Variants in SGCZ observed in about 807,000 individuals in gnomAD.
The protein encoded by SGCZ is sarcoglycan zeta, also known as zeta-sarcoglycan.
A neutral mutation model predicts 41.3 loss-of-function variants in SGCZ; 40 were observed. The observed-to-expected ratio is 0.97, with a 90% CI of 0.75 to 1.26. The LOEUF is 1.26. Ranked by LOEUF, SGCZ falls within the 50% of genes most tolerant of loss-of-function variation. SGCZ has a pLI of 0.00. For missense variants in SGCZ, 552 were observed against 369.8 expected, an observed-to-expected ratio of 1.49 and a Z score of -4.04; for synonymous variants, 206 against 137.5, an observed-to-expected ratio of 1.50 and a Z score of -3.49.
intron 3 of SGCZ, among the ~76,000 whole-genome samples, chr8:14,300,870 T>C (rs1370937083): frequency 2.6e-5 from 4 of 152,006 alleles, no homozygotes; most frequent in African/African-American, 9.7e-5. Context: ...TTCTGGATAT[T>C]AACCCCTTAC....
rs1239063651 is a variant in SGCZ at position 14,482,115 on chromosome 8, A to G, written c.234+72617T>C. Among the ~76,000 whole-genome samples, 5 of 152,260 alleles carry G rather than the reference A, an allele frequency of 3.3e-5. No individual in the cohort carries two copies. The East Asian group carries it at 5.8e-4, about 18-fold the overall frequency. ...AGACAAAGAAAGAGCTCCAAAAATC[A>G]ACATAGTTTTCCCCTGAGTGATCCA... On this transcript the variant is annotated intron_variant, in intron 2 of 7. Transcript: ENST00000382080.
chr8:14,887,710 A>G (rs1200581461), intron 1 of SGCZ, among the ~76,000 whole-genome samples: 1 of 152,230 alleles, frequency 6.6e-6, no homozygotes, highest in African/African-American at 2.4e-5. Context: ...ATGACAGGAA[A>G]GAGTTAATAA....
At chr8:14,594,588 T>C (rs1385282930) in intron 1 of SGCZ, among the ~76,000 whole-genome samples, 1 of 150,480 alleles carries the variant, frequency 6.6e-6, no homozygotes, top group East Asian at 1.9e-4. Flanking sequence ...AGTTTATGTC[T>C]ATGGTCATGT....
At chr8:14,470,242 GA>G (rs140039196) in intron 2 of SGCZ, among the ~76,000 whole-genome samples, 22 of 150,942 alleles carry the variant, frequency 1.5e-4, no homozygotes, top group East Asian at 5.8e-4. Context: ...TAAGAAAATA[GA>G]AAAAAAAATG....
intron 3 of SGCZ, among the ~76,000 whole-genome samples, chr8:14,304,271 G>A (rs769600124): frequency 5.9e-5 from 9 of 151,490 alleles, no homozygotes; most frequent in East Asian, 5.9e-4. Flanking sequence ...GGTAAATACC[G>A]TCTACACAAA....
chr8:15,094,752 C>T (rs1270634622), intron 1 of SGCZ, among the ~76,000 whole-genome samples: 1 of 152,114 alleles, frequency 6.6e-6, no homozygotes, highest in African/African-American at 2.4e-5. Context: ...TTCCCCCATA[C>T]TGTTCTCTTG....
chr8:14,520,805 T>C (rs1023516232), intron 2 of SGCZ, among the ~76,000 whole-genome samples: 4 of 152,134 alleles, frequency 2.6e-5, no homozygotes, highest in African/African-American at 9.7e-5. Context: ...TATCATTTAT[T>C]ATATTTAAAA....
At chr8:14,704,554 G>C (rs949054256) in intron 1 of SGCZ, among the ~76,000 whole-genome samples, 1 of 151,782 alleles carries the variant, frequency 6.6e-6, no homozygotes, top group Non-Finnish European at 1.5e-5. Context: ...TTTGAAGTCA[G>C]ATAGAAATGA....
At chr8:14,971,671 G>T (rs1165048086) in intron 1 of SGCZ, among the ~76,000 whole-genome samples, 5 of 129,006 alleles carry the variant, frequency 3.9e-5, no homozygotes, top group Admixed American at 3.4e-4. Context: ...TTTTTAATGC[G>T]ACGGAGTCCT....
rs1392581343 is a variant in SGCZ at position 15,123,883 on chromosome 8, A to C, written c.39+113702T>G. Among the ~76,000 whole-genome samples the C allele has an allele frequency of 1.4e-4, 22 of 152,204 alleles. 1 individual carries two copies. Among genetic ancestry groups the C allele is most frequent in the Non-Finnish European group, 3.2e-4 (22 of 68,046 alleles). ...TATTTCAGGTAAGAATGGAAGAAGG[A>C]AGCAATGTTAACAAAGTGAACGCTG... On this transcript the variant is annotated intron_variant, in intron 1 of 7. Transcript: ENST00000382080.
intron 4 of SGCZ, among the ~76,000 whole-genome samples, chr8:14,185,062 T>G (rs2117032354): frequency 6.6e-6 from 1 of 152,300 alleles, no homozygotes; most frequent in East Asian, 1.9e-4. Flanking sequence ...AATGCTTTAG[T>G]TATGTATTTG....
intron 1 of SGCZ, among the ~76,000 whole-genome samples, chr8:14,670,489 G>A (rs938104036): frequency 3.9e-5 from 6 of 152,082 alleles, no homozygotes; most frequent in African/African-American, 7.2e-5. Context: ...AAGTATTTTC[G>A]TCTGTTATTT....
intron 5 of SGCZ, among the ~76,000 whole-genome samples, chr8:14,114,035 A>G (rs895374584): frequency 1.3e-5 from 2 of 151,974 alleles, no homozygotes; most frequent in African/African-American, 2.4e-5. Flanking sequence ...GGTCCTTGTA[A>G]AAATTACTGG....
At chr8:14,878,910 TTTGTTGTTG>T (rs374612950) in intron 1 of SGCZ, 7 of 152,110 alleles carry the variant, frequency 4.6e-5, no homozygotes, top group Admixed American at 6.5e-5. Context: ...TTCTTACAGT[TTTGTTGTTG>T]TTGTTGTTGT....
At chr8:14,816,714 A>T (rs764246430) in intron 1 of SGCZ, among the ~76,000 whole-genome samples, 1 of 152,212 alleles carries the variant, frequency 6.6e-6, no homozygotes. Flanking sequence ...CCAACAGAAG[A>T]AGTATACTGA....
chr8:15,207,531 T>A (rs1433512858), intron 1 of SGCZ, among the ~76,000 whole-genome samples: 1 of 152,158 alleles, frequency 6.6e-6, no homozygotes, highest in African/African-American at 2.4e-5. Context: ...TGGAGCAGAC[T>A]GCTCGGTGGT....
chr8:15,074,182 C>G (rs560412537), intron 1 of SGCZ, among the ~76,000 whole-genome samples: 20 of 152,256 alleles, frequency 1.3e-4, no homozygotes, highest in African/African-American at 4.1e-4. Flanking sequence ...GACCTCAATC[C>G]TTTCCTCTCC....
intron 1 of SGCZ, among the ~76,000 whole-genome samples, chr8:15,025,874 G>T (rs1803438556): frequency 6.6e-6 from 1 of 152,006 alleles, no homozygotes; most frequent in South Asian, 2.1e-4. Flanking sequence ...GACTATATAC[G>T]AATGTTTAAT....
chr8:14,471,961 G>C (rs570980842), intron 2 of SGCZ, among the ~76,000 whole-genome samples: 2 of 152,070 alleles, frequency 1.3e-5, no homozygotes, highest in African/African-American at 4.8e-5. Flanking sequence ...TATATAAGCT[G>C]AATTTCCGAA....
Sources: gnomAD v4.1 joint callset for allele counts (sites outside exome capture counted in the v4.1 genomes callset) on GRCh38, gnomAD v4.1.1 for gene constraint, MANE v1.5 for transcripts, NCBI Gene and HGNC (gene_info 2026-07-23, HGNC 2026-07-21) for gene names.